Variants in FGD4 observed in about 807,000 individuals in gnomAD.
FGD4 encodes FYVE, RhoGEF and PH domain containing 4.
Under a neutral mutation model 102.0 loss-of-function variants are expected in FGD4, and 42 were observed. That is an observed-to-expected ratio of 0.41 (90% confidence interval 0.32 to 0.53). The LOEUF (loss-of-function observed/expected upper bound fraction) is 0.53, where lower values mean the gene tolerates loss of function less well. FGD4 is among the 20% of genes least tolerant of loss of function. The pLI is 0.21. For missense variants in FGD4, 902 were observed against 1,078.2 expected, an observed-to-expected ratio of 0.84 and a Z score of 2.29; for synonymous variants, 380 against 375.7, an observed-to-expected ratio of 1.01 and a Z score of -0.13.
rs369669699 is a variant in FGD4, at chr12:32,426,079, G to A, written c.166+26120G>A. 1.4e-3 allele frequency among the ~76,000 whole-genome samples: 218 copies of A among 152,228 alleles called. 5 individuals are homozygous for A. In the South Asian group the frequency reaches 0.044, roughly 31 times the overall value. Reference sequence around the variant, plus strand: ...TTTCCTTCTCTTGCCTGATTGCCCTGGCCAGAACTTCCAATACTATGTTGA... The same window carrying A: ...TTTCCTTCTCTTGCCTGATTGCCCTAGCCAGAACTTCCAATACTATGTTGA... On this transcript the variant is annotated intron_variant, in intron 1 of 16. Transcript: ENST00000534526.
chr12:32,493,266 T>G (rs558395849), intron 1 of FGD4, among the ~76,000 whole-genome samples: 2 of 152,256 alleles, frequency 1.3e-5, no homozygotes, highest in Non-Finnish European at 1.5e-5. Flanking sequence ...TCACCTGATT[T>G]CCAGTTTTGC....
chr12:32,555,564 A>T (rs533600112), intron 1 of FGD4, among the ~76,000 whole-genome samples: 41 of 149,920 alleles, frequency 2.7e-4, no homozygotes, highest in Non-Finnish European at 4.4e-4. Flanking sequence ...TTTAAGAGAC[A>T]AGGTCTTTTT....
In FGD4 at chr12:32,626,131, A is replaced by AT. The variant is rs556731672; in HGVS notation, c.2172+355dup. 3.2e-3 allele frequency among the ~76,000 whole-genome samples: 492 copies of AT among 152,328 alleles called. 4 individuals carry two copies. The highest frequency in any genetic ancestry group is 0.011 in the African/African-American group (459 of 41,584). On this transcript the variant is annotated intron_variant, in intron 14 of 16. Transcript: ENST00000534526. ...AAAGAGACCTATCTGAGGGGTTGGT[A>AT]TTTAAGTTGATGCTTAAAAGATTGA...
intron 1 of FGD4, among the ~76,000 whole-genome samples, chr12:32,486,956 A>G (rs1403066891): frequency 6.6e-6 from 1 of 152,132 alleles, no homozygotes; most frequent in African/African-American, 2.4e-5. Flanking sequence ...GTTTTGTGAA[A>G]CTGAGGCTAT....
At chr12:32,531,085 G>A (rs953193339) in intron 1 of FGD4, among the ~76,000 whole-genome samples, 19 of 150,770 alleles carry the variant, frequency 1.3e-4, no homozygotes, top group African/African-American at 4.6e-4. Context: ...CCAAGTAGCT[G>A]GGACTACAGG....
At chr12:32,468,685 T>C (rs1172291679) in intron 1 of FGD4, among the ~76,000 whole-genome samples, 1 of 152,154 alleles carries the variant, frequency 6.6e-6, no homozygotes, top group East Asian at 1.9e-4. Context: ...GAGGCTGCAG[T>C]GAGCTATGAT....
chr12:32,635,358 A>G (rs755634927), intron 15 of FGD4, among the ~76,000 whole-genome samples: 70 of 152,316 alleles, frequency 4.6e-4, no homozygotes, highest in Non-Finnish European at 7.6e-4. Flanking sequence ...TATCTCTGAA[A>G]AATCCCTAGC....
intron 1 of FGD4, among the ~76,000 whole-genome samples, chr12:32,495,482 G>A (rs1937743529): frequency 6.6e-6 from 1 of 151,968 alleles, no homozygotes; most frequent in Non-Finnish European, 1.5e-5. Flanking sequence ...AGATCACGAG[G>A]TCAGGAGATC....
intron 1 of FGD4, among the ~76,000 whole-genome samples, chr12:32,412,694 C>T (rs1380397681): frequency 6.6e-6 from 1 of 152,018 alleles, no homozygotes; most frequent in East Asian, 1.9e-4. Context: ...CTGCAACCTC[C>T]GCCTCCTGGG....
intron 1 of FGD4, among the ~76,000 whole-genome samples, chr12:32,431,297 G>A (rs980411714): frequency 3.3e-5 from 5 of 152,104 alleles, no homozygotes; most frequent in Non-Finnish European, 5.9e-5. Context: ...CGGCAATTGC[G>A]TGTATCACTG....
chr12:32,574,375 A>G (rs1945956570), intron 2 of FGD4, among the ~76,000 whole-genome samples: 1 of 144,832 alleles, frequency 6.9e-6, no homozygotes, highest in African/African-American at 2.6e-5. Context: ...GTTTTACTGC[A>G]TTAGTTCATA....
At chr12:32,412,355 T>C (rs1173315364) in intron 1 of FGD4, among the ~76,000 whole-genome samples, 1 of 152,234 alleles carries the variant, frequency 6.6e-6, no homozygotes, top group Admixed American at 6.5e-5. Flanking sequence ...CTGGTGTTTA[T>C]GTAGACAGAG....
At chr12:32,464,201 A>C (rs1409656026) in intron 1 of FGD4, among the ~76,000 whole-genome samples, 3 of 152,082 alleles carry the variant, frequency 2.0e-5, no homozygotes, top group African/African-American at 7.2e-5. Flanking sequence ...CGCCAAGGCT[A>C]GTGTGCACTG....
In FGD4 at chr12:32,598,460, A is replaced by G. The variant is rs766076419; in HGVS notation, c.1012-37A>G. The G allele has an allele frequency of 3.4e-5, 46 of 1,364,852 alleles. No individual in the cohort carries two copies. The South Asian group carries it at 5.4e-4, about 16-fold the overall frequency. The allele number at this position is 1,364,852 out of a possible 1,614,324, so 84.5% of individuals were successfully genotyped here. A position where few individuals can be genotyped will look rare whatever the true frequency, so the allele number is the denominator to read the frequency against. ...TTACTTTAGAAATATTGTCCAAGGTATCTTTCCTAATGTGTGAATATCTTT... is the reference window on the plus strand; with the variant it reads ...TTACTTTAGAAATATTGTCCAAGGTGTCTTTCCTAATGTGTGAATATCTTT... On this transcript the variant is annotated intron_variant, in intron 4 of 16. Transcript: ENST00000534526.
At chr12:32,537,000 C>T (rs561353883) in intron 1 of FGD4, among the ~76,000 whole-genome samples, 7 of 151,802 alleles carry the variant, frequency 4.6e-5, no homozygotes, top group Non-Finnish European at 7.4e-5. Flanking sequence ...GCTCCACCTC[C>T]GGGGTTCACA....
intron 16 of FGD4, 49 bp from the exon 17 acceptor site, chr12:32,640,227 A>C (rs544340888): frequency 1.7e-5 from 28 of 1,613,968 alleles, no homozygotes; most frequent in African/African-American, 1.6e-4. Flanking sequence ...GGACACACTT[A>C]ACAAGCGAAT....
chr12:32,605,784 A>G (rs1948735563), intron 7 of FGD4, among the ~76,000 whole-genome samples: 1 of 152,204 alleles, frequency 6.6e-6, no homozygotes, highest in Non-Finnish European at 1.5e-5. Flanking sequence ...TTGATTTGTT[A>G]CATGTCTTCA....
intron 1 of FGD4, among the ~76,000 whole-genome samples, chr12:32,447,802 A>G (rs1286764719): frequency 1.3e-5 from 2 of 152,256 alleles, no homozygotes; most frequent in African/African-American, 4.8e-5. Flanking sequence ...TCCCTTCAGT[A>G]CACCGTGTCT....
At chr12:32,552,944 A>AT (rs71068326) in intron 1 of FGD4, among the ~76,000 whole-genome samples, 8,219 of 123,858 alleles carry the variant, frequency 0.066, 338 homozygotes, top group South Asian at 0.12. Context: ...CGCCTGGCTA[A>AT]TTTTTTTTTT....
Sources: gnomAD v4.1 joint callset for allele counts (sites outside exome capture counted in the v4.1 genomes callset) on GRCh38, gnomAD v4.1.1 for gene constraint, MANE v1.5 for transcripts, NCBI Gene and HGNC (gene_info 2026-07-23, HGNC 2026-07-21) for gene names.